RNF220: variants seen among roughly 807,000 people sequenced by gnomAD.
The protein encoded by RNF220 is E3 ubiquitin-protein ligase RNF220.
Under a neutral mutation model 67.1 loss-of-function variants are expected in RNF220, and 7 were observed. The observed-to-expected ratio is 0.10, with a 90% CI of 0.06 to 0.20. RNF220 has a LOEUF of 0.20. Among genes scored for constraint, RNF220 ranks in the 10% least tolerant of loss-of-function variants. RNF220 has a pLI of 1.00. For missense variants in RNF220, 565 were observed against 740.3 expected (o/e 0.76, Z 2.75); for synonymous variants, 270 against 283.2 (o/e 0.95, Z 0.47).
intron 8 of RNF220, among the ~76,000 whole-genome samples, chr1:44,639,582 G>T (rs1644428919): frequency 6.6e-6 from 1 of 152,238 alleles, no homozygotes. Flanking sequence ...AACAGGAGGA[G>T]TGGGTAGGGA....
intron 4 of RNF220, 45 bp from the exon 5 acceptor site, chr1:44,626,252 A>G: frequency 7.0e-7 from 1 of 1,436,368 alleles, no homozygotes; most frequent in East Asian, 2.3e-5. Flanking sequence ...GACTGACTGT[A>G]GGTCTCATTT....
intron 2 of RNF220, among the ~76,000 whole-genome samples, chr1:44,556,151 CAGCCT>C (rs35458434): frequency 0.27 from 39,975 of 149,786 alleles, 6,488 homozygotes; most frequent in Non-Finnish European, 0.35. Context: ...TCTTGTACCT[CAGCCT>C]CCCAAGTAGC....
intron 2 of RNF220, among the ~76,000 whole-genome samples, chr1:44,559,736 G>T (rs1663418296): frequency 6.6e-6 from 1 of 152,212 alleles, no homozygotes; most frequent in African/African-American, 2.4e-5. Context: ...TTTGGAAGCT[G>T]TCAGTGCTAG....
chr1:44,604,182 G>A (rs1035384640), intron 2 of RNF220, among the ~76,000 whole-genome samples: 14 of 152,214 alleles, frequency 9.2e-5, no homozygotes, highest in African/African-American at 3.1e-4. Context: ...TACCCACACC[G>A]TGTGAGCACT....
intron 2 of RNF220, among the ~76,000 whole-genome samples, chr1:44,449,855 C>G (rs140323827): frequency 9.8e-4 from 149 of 152,312 alleles, no homozygotes; most frequent in African/African-American, 3.3e-3. Context: ...GAAGCAAATA[C>G]ATCTGTACCT....
chr1:44,587,630 G>A (rs1004462939), intron 2 of RNF220, among the ~76,000 whole-genome samples: 5 of 152,146 alleles, frequency 3.3e-5, no homozygotes, highest in African/African-American at 1.2e-4. Context: ...TAGCTCTCTG[G>A]TGGTATTAGT....
intron 3 of RNF220, among the ~76,000 whole-genome samples, chr1:44,620,020 C>A (rs1428958047): frequency 6.6e-6 from 1 of 152,240 alleles, no homozygotes; most frequent in East Asian, 1.9e-4. Flanking sequence ...GTCCCTGTTT[C>A]TGTTCACCAG....
At chr1:44,598,536 CTGAG>C (rs1376101405) in intron 2 of RNF220, among the ~76,000 whole-genome samples, 2 of 152,160 alleles carry the variant, frequency 1.3e-5, no homozygotes, top group African/African-American at 4.8e-5. Flanking sequence ...AGGGAAATTG[CTGAG>C]TGAGAGAGAG....
At chr1:44,520,128 T>TGTGAGAGAGAGA (rs796131470) in intron 2 of RNF220, among the ~76,000 whole-genome samples, 2 of 113,374 alleles carry the variant, frequency 1.8e-5, no homozygotes, top group African/African-American at 6.4e-5. Flanking sequence ...TGTGTGTGTG[T>TGTGAGAGAGAGA]GAGAGAGAGA....
intron 2 of RNF220, among the ~76,000 whole-genome samples, chr1:44,450,980 C>G (rs937408804): frequency 6.6e-6 from 1 of 151,980 alleles, no homozygotes; most frequent in Non-Finnish European, 1.5e-5. Context: ...TCAGGAGATC[C>G]AGACCATCCT....
At chr1:44,493,067 T>A (rs1429322729) in intron 2 of RNF220, among the ~76,000 whole-genome samples, 1 of 152,160 alleles carries the variant, frequency 6.6e-6, no homozygotes, top group Non-Finnish European at 1.5e-5. Context: ...TATCCAAAAT[T>A]TTTGAGCACC....
chr1:44,462,168 A>AG (rs1438463536), intron 2 of RNF220, among the ~76,000 whole-genome samples: 1 of 151,832 alleles, frequency 6.6e-6, no homozygotes, highest in Non-Finnish European at 1.5e-5. Context: ...CTCCTGCTCA[A>AG]GTGATCCGCC....
At chr1:44,538,271 A>G (rs1256424936) in intron 2 of RNF220, among the ~76,000 whole-genome samples, 1 of 152,042 alleles carries the variant, frequency 6.6e-6, no homozygotes, top group Non-Finnish European at 1.5e-5. Flanking sequence ...ACCTTTCTCC[A>G]GTATTTTCTC....
chr1:44,533,523 C>T (rs1285691158), intron 2 of RNF220, among the ~76,000 whole-genome samples: 1 of 152,116 alleles, frequency 6.6e-6, no homozygotes, highest in Non-Finnish European at 1.5e-5. Flanking sequence ...AGTTTTAGTC[C>T]AGGTTGGTTC....
chr1:44,606,087 A>C lies in RNF220; in HGVS notation c.626-8078A>C, dbSNP rs1667253698. 6.6e-6 allele frequency among the ~76,000 whole-genome samples: 1 copy of C among 152,222 alleles called. No homozygotes were observed. The highest frequency in any genetic ancestry group is 1.5e-5 in the Non-Finnish European group (1 of 68,036). Reference sequence around the variant, plus strand: ...ACTTACGAACATGTAATGCAAACTGATTCATCATACATTCAAATCCGCTGC... The same window carrying C: ...ACTTACGAACATGTAATGCAAACTGCTTCATCATACATTCAAATCCGCTGC... On this transcript the variant is annotated intron_variant, in intron 2 of 14. Coordinates refer to ENST00000361799, the MANE Select transcript of RNF220 (RefSeq NM_018150.4). This position sits in a 1 kb window ranked among gnomAD's most constrained non-coding sequence, Gnocchi z 4.2.
At chr1:44,631,971 G>C (rs757073079) in intron 5 of RNF220, 1 of 998,744 alleles carries the variant, frequency 1.0e-6, no homozygotes, top group African/African-American at 1.7e-5. Context: ...CGTGATTAGG[G>C]CCAACATGGC....
intron 2 of RNF220, among the ~76,000 whole-genome samples, chr1:44,540,377 G>A (rs1661580074): frequency 6.6e-6 from 1 of 152,200 alleles, no homozygotes; most frequent in South Asian, 2.1e-4. Flanking sequence ...CTGTGTAGCA[G>A]GCAGTTTTTG....
At chr1:44,406,472 A>G (rs909310109) in intron 1 of RNF220, among the ~76,000 whole-genome samples, 8 of 152,226 alleles carry the variant, frequency 5.3e-5, no homozygotes, top group African/African-American at 1.9e-4. Flanking sequence ...GGGCTACTTG[A>G]CTACTCTACT....
At chr1:44,614,367 A>G in intron 3 of RNF220, 70 bp downstream of exon 3, 1 of 1,566,652 alleles carries the variant, frequency 6.4e-7, no homozygotes, top group Admixed American at 1.7e-5. Context: ...GGATCCCAGA[A>G]GCAGCCGCCT....
Sources: gnomAD v4.1 joint callset for allele counts (sites outside exome capture counted in the v4.1 genomes callset) on GRCh38, gnomAD v4.1.1 for gene constraint, Gnocchi (gnomAD v3.1) non-coding constraint, MANE v1.5 for transcripts, NCBI Gene and HGNC (gene_info 2026-07-23, HGNC 2026-07-21) for gene names.